The following MSTO1 variants were observed in gnomAD, a reference collection of about 807,000 sequenced individuals.
MSTO1 encodes the protein protein misato homolog 1.
A neutral mutation model predicts 55.7 loss-of-function variants in MSTO1; 24 were observed. That is an observed-to-expected ratio of 0.43 (90% CI 0.31 to 0.61). MSTO1 has a LOEUF of 0.61. Among genes scored for constraint, MSTO1 ranks in the 20% least tolerant of loss-of-function variants. MSTO1 has a pLI of 0.09. For synonymous variants in MSTO1, 162 were observed against 252.8 expected, an observed-to-expected ratio of 0.64 and a Z score of 3.41; for missense variants, 363 against 625.7, an observed-to-expected ratio of 0.58 and a Z score of 4.48.
the MSTO1 span, among the ~76,000 whole-genome samples, chr1:155,595,021 C>T: frequency 6.6e-6 from 1 of 151,758 alleles, no homozygotes. Context: ...GCCTGTAATA[C>T]CAGCTACTTG....
At chr1:155,598,945 G>T in the MSTO1 span, 1 of 1,222,004 alleles carries the variant, frequency 8.2e-7, no homozygotes, top group South Asian at 1.3e-5. Context: ...TCTTCTCTCT[G>T]TTAGGTTCAG....
At chr1:155,583,866 C>T in the MSTO1 span, among the ~76,000 whole-genome samples, 2 of 152,090 alleles carry the variant, frequency 1.3e-5, no homozygotes, top group Non-Finnish European at 2.9e-5. Context: ...TTGAGAAGAT[C>T]TGGGGAGCAC....
chr1:155,595,338 T>C, the MSTO1 span, among the ~76,000 whole-genome samples: 1 of 151,646 alleles, frequency 6.6e-6, no homozygotes, highest in Non-Finnish European at 1.5e-5. Flanking sequence ...CCACCATGCC[T>C]GGTTAATTTT....
At chr1:155,590,907 G>A in the MSTO1 span, 7 of 1,613,116 alleles carry the variant, frequency 4.3e-6, no homozygotes, top group South Asian at 6.6e-5. Flanking sequence ...TCCCAGAGGT[G>A]AGCACCAGGC....
chr1:155,578,275 TTTAGGAAAC>T, the MSTO1 span, among the ~76,000 whole-genome samples: 3 of 150,780 alleles, frequency 2.0e-5, no homozygotes, highest in Non-Finnish European at 4.4e-5. Flanking sequence ...TGATAATTGC[TTTAGGAAAC>T]TGAAAGCATT....
chr1:155,597,902 T>C, the MSTO1 span, among the ~76,000 whole-genome samples: 1 of 151,532 alleles, frequency 6.6e-6, no homozygotes, highest in Non-Finnish European at 1.5e-5. Context: ...CTGCAGCCTC[T>C]GCCTCCTGGG....
At chr1:155,565,906 A>C in the MSTO1 span, 9 of 152,336 alleles carry the variant, frequency 5.9e-5, no homozygotes, top group South Asian at 1.9e-3. Flanking sequence ...TCCACTTCTT[A>C]ATCCCTAAAA....
chr1:155,613,350 A>T, intron 11 of MSTO1, 112 bp from the exon 12 acceptor site: 2 of 1,569,784 alleles, frequency 1.3e-6, no homozygotes, highest in Non-Finnish European at 1.7e-6. Flanking sequence ...TAAAAAGGAA[A>T]AAAAAAAGGG....
At chr1:155,565,139 C>CA in the MSTO1 span, among the ~76,000 whole-genome samples, 1 of 149,554 alleles carries the variant, frequency 6.7e-6, no homozygotes, top group Admixed American at 6.7e-5. Context: ...AAAAAAAATC[C>CA]AAAAAAAATC....
Position 155,612,552 on chromosome 1 carries a change from C to A in MSTO1, c.948C>A (p.Phe316Leu). The A allele has an allele frequency of 6.2e-7, 1 of 1,612,130 alleles. No individual in the cohort carries two copies. Among genetic ancestry groups the A allele is most frequent in the Non-Finnish European group, 8.5e-7 (1 of 1,179,656 alleles). The change falls in exon 9 of 14, where the codon TTC (phenylalanine) becomes TTA (leucine). Residue 316 changes from phenylalanine to leucine, a missense_variant. Transcript: ENST00000245564. ...TGCGACCCGAGCCACCTGTCAGCTT[C>A]CCTTACCTGCATTATGATGTAAGTC... ...LGLRPEPPVSFPYLHYDATLP... is the reference protein window; with the variant it reads ...LGLRPEPPVSLPYLHYDATLP...
At chr1:155,571,436 G>T in the MSTO1 span, among the ~76,000 whole-genome samples, 20 of 152,074 alleles carry the variant, frequency 1.3e-4, no homozygotes, top group Non-Finnish European at 2.5e-4. Flanking sequence ...GGACACCCCT[G>T]CTGTAGTCCA....
At chr1:155,569,427 G>T in the MSTO1 span, among the ~76,000 whole-genome samples, 134 of 132,664 alleles carry the variant, frequency 1.0e-3, no homozygotes, top group Non-Finnish European at 1.8e-3. Context: ...GAGCCACTGC[G>T]CCCGGTCTTT....
chr1:155,569,625 G>A, the MSTO1 span, among the ~76,000 whole-genome samples: 2 of 151,998 alleles, frequency 1.3e-5, no homozygotes, highest in African/African-American at 4.8e-5. Flanking sequence ...TTTTAGTACA[G>A]ACAGGATTTC....
At chr1:155,598,751 G>A in the MSTO1 span, 1 of 670,494 alleles carries the variant, frequency 1.5e-6, no homozygotes, top group East Asian at 3.1e-5. Context: ...AAAAACATAA[G>A]TACTGTTGAC....
chr1:155,569,690 A>G, the MSTO1 span, among the ~76,000 whole-genome samples: 8 of 150,322 alleles, frequency 5.3e-5, no homozygotes, highest in Admixed American at 3.3e-4. Context: ...ACCCTCCTCA[A>G]TCTCCCAAAG....
At chr1:155,568,803 G>A in the MSTO1 span, among the ~76,000 whole-genome samples, 1 of 151,306 alleles carries the variant, frequency 6.6e-6, no homozygotes, top group Non-Finnish European at 1.5e-5. Context: ...TTGAATTTGA[G>A]ATTTGAGCTA....
the MSTO1 span, among the ~76,000 whole-genome samples, chr1:155,585,522 C>CAAAAA: frequency 5.3e-5 from 3 of 56,900 alleles, no homozygotes; most frequent in East Asian, 5.7e-4. Flanking sequence ...GACTCCGTCT[C>CAAAAA]AAAAAAAAAA....
the MSTO1 span, among the ~76,000 whole-genome samples, chr1:155,568,429 C>G: frequency 1.3e-4 from 19 of 149,340 alleles, no homozygotes; most frequent in Non-Finnish European, 2.4e-4. Flanking sequence ...TGTTTGGGTA[C>G]AGGTTGAGTT....
upstream of MSTO1, among the ~76,000 whole-genome samples, chr1:155,605,793 GAAAT>G (rs1176031815): frequency 2.0e-5 from 3 of 152,168 alleles, no homozygotes; most frequent in East Asian, 5.8e-4. Flanking sequence ...CAAAAACAAA[GAAAT>G]AACCAACTCT....
Sources: gnomAD v4.1 joint callset for allele counts (sites outside exome capture counted in the v4.1 genomes callset) on GRCh38, gnomAD v4.1.1 for gene constraint, MANE v1.5 for transcripts, NCBI Gene and HGNC (gene_info 2026-07-23, HGNC 2026-07-21) for gene names.